Variants in ZNF653 observed in about 807,000 individuals in gnomAD.
ZNF653 encodes the protein zinc finger protein 653.
Under a neutral mutation model 59.9 loss-of-function variants are expected in ZNF653, and 37 were observed. That is an observed-to-expected ratio of 0.62 (90% confidence interval 0.48 to 0.81). The LOEUF (loss-of-function observed/expected upper bound fraction) is 0.81. Among genes scored for constraint, ZNF653 ranks in the 40% least tolerant of loss-of-function variants. ZNF653 has a pLI of 0.00. For missense variants in ZNF653, 808 were observed against 881.1 expected, an observed-to-expected ratio of 0.92 and a Z score of 1.05; for synonymous variants, 435 against 371.8, an observed-to-expected ratio of 1.17 and a Z score of -1.96.
At chr19:11,503,192 A>G (rs1251548044) in intron 1 of ZNF653, among the ~76,000 whole-genome samples, 1 of 152,144 alleles carries the variant, frequency 6.6e-6, no homozygotes, top group Non-Finnish European at 1.5e-5. Flanking sequence ...CCTGTCACCA[A>G]TCTGTCCTTG....
intron 3 of ZNF653, among the ~76,000 whole-genome samples, chr19:11,494,834 C>T (rs1010402955): frequency 6.6e-6 from 1 of 152,196 alleles, no homozygotes; most frequent in South Asian, 2.1e-4. Flanking sequence ...TCCTTGACTG[C>T]CAAGTGGGGC....
rs1299057108 is a variant in ZNF653, at chr19:11,484,085, G to A, written c.1627C>T (p.Leu543=). 2 of 1,560,336 alleles carry A rather than the reference G, an allele frequency of 1.3e-6. No homozygotes were observed. The highest frequency in any genetic ancestry group is 4.8e-5 in the East Asian group (2 of 41,620). ...CGKSFKRKNH[L]EVHRRTHTGE... ...GTGTGGGTGCGCCGATGTACCTCCAGGTGGTTCTTCCTCTTGAAGGACTTG... is the reference window on the plus strand; with the variant it reads ...GTGTGGGTGCGCCGATGTACCTCCAAGTGGTTCTTCCTCTTGAAGGACTTG... The change falls in exon 8 of 9, where the codon CTG becomes TTG. Residue 543 remains leucine (L), a synonymous_variant. Coordinates refer to ENST00000293771, the MANE Select transcript of ZNF653 (RefSeq NM_138783.4).
In ZNF653 at chr19:11,487,676, A is replaced by G. The variant is rs1283909427; in HGVS notation, c.787T>C (p.Ser263Pro). Residue 263 changes from serine (S) to proline (P), a missense_variant, in exon 4 of 9, where the codon TCC becomes CCC. Physicochemically the swap from Ser to Pro is moderately conservative, Grantham distance 74 (BLOSUM62 -1). Coordinates refer to ENST00000293771, the MANE Select transcript of ZNF653 (RefSeq NM_138783.4). This position sits in a 1 kb window ranked among gnomAD's most constrained non-coding sequence, Gnocchi z 5.1. ...SLAEQGTPLC[S>P]NPAGNGPEAL... ...TCAGGCCCATTGCCTGCTGGGTTGG[A>G]GCACAGCGGGGTACCCTGCTCGGCC... 1 of 1,613,814 alleles carries G rather than the reference A, an allele frequency of 6.2e-7. No individual in the cohort carries two copies. The highest frequency in any genetic ancestry group is 8.5e-7 in the Non-Finnish European group (1 of 1,179,952).
chr19:11,502,510 T>G (rs1971657453), intron 1 of ZNF653, among the ~76,000 whole-genome samples: 1 of 152,302 alleles, frequency 6.6e-6, no homozygotes, highest in South Asian at 2.1e-4. Context: ...CCATCCATTC[T>G]TCAAGCCACA....
chr19:11,503,150 T>C (rs1352276961), intron 1 of ZNF653, among the ~76,000 whole-genome samples: 1 of 152,162 alleles, frequency 6.6e-6, no homozygotes, highest in Non-Finnish European at 1.5e-5. Context: ...GAGGAAAAAC[T>C]GGAGTCCTCT....
chr19:11,492,886 C>T (rs180904667), intron 3 of ZNF653, among the ~76,000 whole-genome samples: 3 of 152,230 alleles, frequency 2.0e-5, no homozygotes, highest in Non-Finnish European at 4.4e-5. Context: ...GCTGGAAGTA[C>T]AGGCACACAC....
chr19:11,500,180 G>A (rs759901336), intron 1 of ZNF653, among the ~76,000 whole-genome samples: 16 of 152,038 alleles, frequency 1.1e-4, no homozygotes, highest in Admixed American at 3.9e-4. Context: ...TCCCACACCC[G>A]TCTGGTTCCC....
At chr19:11,494,644 C>T (rs773447597) in intron 3 of ZNF653, among the ~76,000 whole-genome samples, 16 of 152,146 alleles carry the variant, frequency 1.1e-4, no homozygotes, top group Admixed American at 2.0e-4. Context: ...GCCGAGATCG[C>T]GCCATTGCAC....
chr19:11,499,731 G>A (rs1340643314), intron 1 of ZNF653, among the ~76,000 whole-genome samples: 4 of 151,610 alleles, frequency 2.6e-5, no homozygotes, highest in African/African-American at 9.7e-5. Flanking sequence ...GGGAAACACA[G>A]TGAAACCCCA....
At chr19:11,485,061 A>G (rs1971450955) in intron 7 of ZNF653, among the ~76,000 whole-genome samples, 1 of 150,530 alleles carries the variant, frequency 6.6e-6, no homozygotes, top group Admixed American at 6.6e-5. Flanking sequence ...CCACACACAC[A>G]TTAAAAAAAA....
rs1971482709 is a variant in ZNF653, at chr19:11,487,600, C to G, written c.863G>C (p.Gly288Ala). Residue 288 changes from glycine to alanine, a missense_variant, in exon 4 of 9, where the codon GGC becomes GCC. Gly to Ala is a moderately conservative substitution (Grantham distance 60). Coordinates refer to ENST00000293771, the MANE Select transcript of ZNF653 (RefSeq NM_138783.4). The surrounding 1 kb of genome is among the most constrained non-coding windows in gnomAD (Gnocchi z 5.1). ...CACGTTCTCAAAGAGGGCGCTGGGG[C>G]CCGCACCCACTTGCACAGGCACCGG... Reference protein sequence around the residue: ...CVPVPVQVGAGPSALFENVPQ... With the variant: ...CVPVPVQVGAAPSALFENVPQ... 6.2e-7 allele frequency: 1 copy of G among 1,613,774 alleles called. No homozygotes were observed. Among genetic ancestry groups the G allele is most frequent in the South Asian group, 1.1e-5 (1 of 91,086 alleles).
intron 1 of ZNF653, chr19:11,505,233 G>A (rs1971698879): frequency 4.6e-6 from 2 of 430,360 alleles, no homozygotes; most frequent in Non-Finnish European, 4.1e-6. Flanking sequence ...AGTTCTAGCG[G>A]GCGGGGCCAA....
In ZNF653 at chr19:11,505,790, C is replaced by T; in HGVS notation, c.-4G>A. 2.1e-6 allele frequency: 3 copies of T among 1,398,848 alleles called. No homozygotes were observed. The highest frequency in any genetic ancestry group is 3.1e-5 in the South Asian group (2 of 63,586). 86.7% of individuals were successfully genotyped at this position (1,398,848 alleles called of 1,614,324 possible). A position where few individuals can be genotyped will look rare whatever the true frequency, so the allele number is the denominator to read the frequency against. On this transcript the variant is annotated 5_prime_UTR_variant, in exon 1 of 9. Coordinates refer to ENST00000293771, the MANE Select transcript of ZNF653 (RefSeq NM_138783.4). ...GCTCTAGCGCCCGCTCCGCCATCCC[C>T]CCCACCCTGGTTACCAGCCTCCCCC... is the stretch of plus-strand genomic sequence containing the variant.
chr19:11,489,053 C>A (rs944874563), intron 3 of ZNF653, among the ~76,000 whole-genome samples: 1 of 151,750 alleles, frequency 6.6e-6, no homozygotes, highest in African/African-American at 2.4e-5. Flanking sequence ...GCGTGCACCA[C>A]CACACCTGGC....
At position 11,496,082 on chromosome 19, in the gene ZNF653, G is replaced by A. The variant is rs767214993; in HGVS notation, c.427C>T (p.Leu143=). The change falls in exon 3 of 9, where the codon CTG becomes TTG. Residue 143 remains leucine (L), a synonymous_variant. Transcript: ENST00000293771. ...CCAAAAGTGGGGTCTAGCTCCGCCA[G>A]GTGCGGCTCGTACGGGCAGCGGTGC... The part of the protein sequence containing the change: ...HKHRCPYEPH[L]AELDPTFGLY... The A allele has an allele frequency of 8.7e-6, 14 of 1,614,046 alleles. No homozygotes were observed. In the East Asian group the frequency reaches 2.7e-4, roughly 31 times the overall value.
At position 11,487,224 on chromosome 19, in the gene ZNF653, C is replaced by T. The variant is rs367669709; in HGVS notation, c.1172-66G>A. Reference sequence around the variant, plus strand: ...GCTGCCGAGGTGCCCACTTCGAGGGCCATTCCTCGCCCGGCCCCTCCCAGG... The same window carrying T: ...GCTGCCGAGGTGCCCACTTCGAGGGTCATTCCTCGCCCGGCCCCTCCCAGG... On this transcript the variant is annotated intron_variant, in intron 4 of 8. Coordinates refer to ENST00000293771, the MANE Select transcript of ZNF653 (RefSeq NM_138783.4). This position sits in a 1 kb window ranked among gnomAD's most constrained non-coding sequence, Gnocchi z 5.1. 1.1e-5 allele frequency: 17 copies of T among 1,598,634 alleles called. No homozygotes were observed. Among genetic ancestry groups the T allele is most frequent in the South Asian group, 9.0e-5 (8 of 89,064 alleles).
At chr19:11,489,814 T>C (rs1215470050) in intron 3 of ZNF653, among the ~76,000 whole-genome samples, 1 of 152,240 alleles carries the variant, frequency 6.6e-6, no homozygotes, top group Non-Finnish European at 1.5e-5. Context: ...CGCTGTGGTA[T>C]CCTGGGCCCT....
chr19:11,484,196 G>A (rs1971440686), intron 7 of ZNF653, 55 bp from the exon 8 acceptor site: 2 of 1,346,660 alleles, frequency 1.5e-6, no homozygotes, highest in Non-Finnish European at 2.1e-6. Flanking sequence ...TGTCTCTGAT[G>A]TGCTGCAGAC....
intron 3 of ZNF653, among the ~76,000 whole-genome samples, chr19:11,494,987 C>A (rs1409542384): frequency 6.6e-6 from 1 of 152,212 alleles, no homozygotes; most frequent in East Asian, 1.9e-4. Flanking sequence ...ACGCTGAGAG[C>A]CTGGCCGACA....
Sources: allele counts gnomAD v4.1 joint callset (sites outside exome capture counted in the v4.1 genomes callset), GRCh38; gene constraint gnomAD v4.1.1; non-coding constraint Gnocchi (gnomAD v3.1); transcripts MANE v1.5; gene names NCBI Gene and HGNC (gene_info 2026-07-23, HGNC 2026-07-21).